The following AKAP7 variants were observed in gnomAD, a reference collection of about 807,000 sequenced individuals.
The protein encoded by AKAP7 is A-kinase anchoring protein 7, also known as A kinase (PRKA) anchor protein 7.
AKAP7 carries 39 observed loss-of-function variants against 39.5 expected under a neutral mutation model. That is an observed-to-expected ratio of 0.99 (90% confidence interval 0.76 to 1.29). AKAP7 has a LOEUF of 1.29. AKAP7 is among the 50% of genes most tolerant of loss of function. The probability of loss-of-function intolerance (pLI) is 0.00; values close to 1 mark genes in which losing one functional copy is unlikely to be tolerated. For missense variants in AKAP7, 414 were observed against 407.7 expected, an observed-to-expected ratio of 1.02 and a Z score of -0.13; for synonymous variants, 140 against 139.1, an observed-to-expected ratio of 1.01 and a Z score of -0.05.
At chr6:131,194,772 T>G (rs1440300700) in intron 5 of AKAP7, among the ~76,000 whole-genome samples, 1 of 152,180 alleles carries the variant, frequency 6.6e-6, no homozygotes, top group African/African-American at 2.4e-5. Flanking sequence ...AATTGATCCC[T>G]AAATCATTAT....
At chr6:131,205,561 A>G (rs769551472) in intron 6 of AKAP7, among the ~76,000 whole-genome samples, 1 of 152,190 alleles carries the variant, frequency 6.6e-6, no homozygotes, top group African/African-American at 2.4e-5. Context: ...AAATTTTGAA[A>G]ATACAGAAAC....
At chr6:131,187,339 C>T (rs1323860395) in intron 5 of AKAP7, among the ~76,000 whole-genome samples, 3 of 151,928 alleles carry the variant, frequency 2.0e-5, no homozygotes, top group African/African-American at 7.3e-5. Flanking sequence ...CATCTTTCAC[C>T]TCCTTGGTTA....
intron 5 of AKAP7, among the ~76,000 whole-genome samples, chr6:131,191,356 A>C (rs1806386579): frequency 6.6e-6 from 1 of 152,204 alleles, no homozygotes; most frequent in African/African-American, 2.4e-5. Context: ...TTGAGAAAAG[A>C]GAAGTTTTGG....
In AKAP7 at chr6:131,281,907, G is replaced by C. The variant is rs143267102; in HGVS notation, c.*181G>C. 6.4e-6 allele frequency: 8 copies of C among 1,255,382 alleles called. No homozygotes were observed. The highest frequency in any genetic ancestry group is 8.1e-5 in the Admixed American group (2 of 24,796). 77.8% of individuals were successfully genotyped at this position (1,255,382 alleles called of 1,614,324 possible). A position where few individuals can be genotyped will look rare whatever the true frequency, so the allele number is the denominator to read the frequency against. ...GCTGAAACACAACAGAAGAAAAATGGAGTGCTGGGACTGGCAGAGGAAATT... is the reference window on the plus strand; with the variant it reads ...GCTGAAACACAACAGAAGAAAAATGCAGTGCTGGGACTGGCAGAGGAAATT... On this transcript the variant is annotated 3_prime_UTR_variant, in exon 8 of 8. Coordinates refer to ENST00000431975, the MANE Select transcript of AKAP7 (RefSeq NM_016377.4). The surrounding 1 kb of genome is among the most constrained non-coding windows in gnomAD (Gnocchi z 4.0).
At chr6:131,141,801 T>G (rs1801054889) in intron 1 of AKAP7, among the ~76,000 whole-genome samples, 1 of 152,210 alleles carries the variant, frequency 6.6e-6, no homozygotes, top group Admixed American at 6.5e-5. Flanking sequence ...TAGCAAAGAA[T>G]TTGGCTGCCT....
Position 131,204,287 on chromosome 6 carries a change from G to A in AKAP7, c.702+4714G>A, listed in dbSNP as rs558288245. 2.6e-5 allele frequency among the ~76,000 whole-genome samples: 4 copies of A among 152,196 alleles called. No individual in the cohort carries two copies. In the East Asian group the frequency reaches 5.8e-4, roughly 22 times the overall value. ...AATAGAAATAACTCCCACAACAATA[G>A]GGAAATGTTTAAGTCAATTATGGTA... On this transcript the variant is annotated intron_variant, in intron 6 of 7. Coordinates refer to ENST00000431975, the MANE Select transcript of AKAP7 (RefSeq NM_016377.4).
rs541599959 is a variant in AKAP7, at chr6:131,227,752, C to T, written c.850+7944C>T. 1.4e-4 allele frequency among the ~76,000 whole-genome samples: 22 copies of T among 152,258 alleles called. 1 individual carries two copies. The highest frequency in any genetic ancestry group is 9.2e-4 in the Admixed American group (14 of 15,286). On this transcript the variant is annotated intron_variant, in intron 7 of 7. Transcript: ENST00000431975. ...TCCAATGCTAAATAGGCCAGAACAA[C>T]GGGATAGCCTGCTCAGACTTTATGG...
At position 131,164,468 on chromosome 6, in the gene AKAP7, C is replaced by G; in HGVS notation, c.292-613C>G. 4.4e-6 allele frequency: 2 copies of G among 455,610 alleles called. 1 individual carries two copies. The highest frequency in any genetic ancestry group is 6.6e-4 in the Middle Eastern group (2 of 3,042). The allele number at this position is 455,610 out of a possible 1,614,324, so 28.2% of individuals were successfully genotyped here. A position where few individuals can be genotyped will look rare whatever the true frequency, so the allele number is the denominator to read the frequency against. Reference sequence around the variant, plus strand: ...TGGGGATTTCTCCTGGATGCAGATTCTGTTTTTCTAATGTGTGCATTTGGA... The same window carrying G: ...TGGGGATTTCTCCTGGATGCAGATTGTGTTTTTCTAATGTGTGCATTTGGA... On this transcript the variant is annotated intron_variant, in intron 3 of 7. Transcript: ENST00000431975.
In AKAP7 at chr6:131,281,777, C is replaced by T. The variant is rs1217526795; in HGVS notation, c.*51C>T. 19 of 1,511,050 alleles carry T rather than the reference C, an allele frequency of 1.3e-5. No homozygotes were observed. The highest frequency in any genetic ancestry group is 1.6e-5 in the Non-Finnish European group (18 of 1,130,920). 93.6% of individuals were successfully genotyped at this position (1,511,050 alleles called of 1,614,324 possible). On this transcript the variant is annotated 3_prime_UTR_variant, in exon 8 of 8. Transcript: ENST00000431975. This position sits in a 1 kb window ranked among gnomAD's most constrained non-coding sequence, Gnocchi z 4.0. ...CTGTGCAAAGCCTCCCTGCTTCCCT[C>T]TGCTGAGTCTAGGGACTGACTTGCA...
intron 6 of AKAP7, among the ~76,000 whole-genome samples, chr6:131,212,464 G>C (rs1808758250): frequency 6.6e-6 from 1 of 152,058 alleles, no homozygotes. Context: ...TATCTGTTAC[G>C]ATGTCCAGGG....
Position 131,282,304 on chromosome 6 carries a change from TGTG to T in AKAP7, c.*580_*582del. Reference sequence around the variant, plus strand: ...GTGAAATGCAACCTTTTCTATAAAATGTGGGCAACATTTTAAAGTTTTTTTAAA... The same window carrying T: ...GTGAAATGCAACCTTTTCTATAAAATGGCAACATTTTAAAGTTTTTTTAAA... On this transcript the variant is annotated 3_prime_UTR_variant, in exon 8 of 8. Transcript: ENST00000431975. The T allele has an allele frequency of 7.4e-7, 1 of 1,360,038 alleles. No individual in the cohort carries two copies. Among genetic ancestry groups the T allele is most frequent in the Non-Finnish European group, 9.4e-7 (1 of 1,060,548 alleles). 84.2% of individuals were successfully genotyped at this position (1,360,038 alleles called of 1,614,324 possible).
chr6:131,217,393 A>T (rs1033861615), intron 6 of AKAP7, among the ~76,000 whole-genome samples: 4 of 152,146 alleles, frequency 2.6e-5, no homozygotes, highest in African/African-American at 9.7e-5. Flanking sequence ...AAAGAAATAT[A>T]TTGCCAAACA....
chr6:131,207,637 A>T (rs1385514372), intron 6 of AKAP7, among the ~76,000 whole-genome samples: 1 of 151,706 alleles, frequency 6.6e-6, no homozygotes, highest in Non-Finnish European at 1.5e-5. Flanking sequence ...ACCCAGCCAC[A>T]TACTACATCT....
chr6:131,140,016 G>T (rs1800896255), intron 1 of AKAP7, among the ~76,000 whole-genome samples: 2 of 152,166 alleles, frequency 1.3e-5, no homozygotes, highest in East Asian at 1.9e-4. Flanking sequence ...TTTCCCTGAC[G>T]GTAGAGGTCT....
intron 7 of AKAP7, among the ~76,000 whole-genome samples, chr6:131,267,538 TC>T (rs1372384284): frequency 6.6e-6 from 1 of 152,170 alleles, no homozygotes; most frequent in African/African-American, 2.4e-5. Flanking sequence ...CTTCAGTGTG[TC>T]CCCCTGGAGC....
At chr6:131,209,352 G>A (rs1285983313) in intron 6 of AKAP7, among the ~76,000 whole-genome samples, 4 of 152,000 alleles carry the variant, frequency 2.6e-5, no homozygotes, top group Non-Finnish European at 5.9e-5. Context: ...CTGGGTTCAC[G>A]CCATTCTCCT....
intron 2 of AKAP7, among the ~76,000 whole-genome samples, chr6:131,159,609 C>T (rs537259432): frequency 6.6e-6 from 1 of 152,264 alleles, no homozygotes; most frequent in South Asian, 2.1e-4. Context: ...GTGACAGTGG[C>T]CCCAGACCAA....
chr6:131,167,638 A>G (rs776123443), intron 4 of AKAP7, among the ~76,000 whole-genome samples: 12 of 152,202 alleles, frequency 7.9e-5, no homozygotes, highest in Non-Finnish European at 1.6e-4. Context: ...AGAAATGTTG[A>G]CATTTACATA....
At chr6:131,190,526 C>T (rs1340300766) in intron 5 of AKAP7, among the ~76,000 whole-genome samples, 3 of 151,704 alleles carry the variant, frequency 2.0e-5, no homozygotes, top group African/African-American at 7.3e-5. Flanking sequence ...CCTGTAATCC[C>T]AGCTACTCAA....
Sources: allele counts gnomAD v4.1 joint callset (sites outside exome capture counted in the v4.1 genomes callset), GRCh38; gene constraint gnomAD v4.1.1; non-coding constraint Gnocchi (gnomAD v3.1); transcripts MANE v1.5; gene names NCBI Gene and HGNC (gene_info 2026-07-23, HGNC 2026-07-21).